CTDSPL: variants seen among roughly 807,000 people sequenced by gnomAD.
CTDSPL encodes the protein CTD small phosphatase like.
Under a neutral mutation model 30.5 loss-of-function variants are expected in CTDSPL, and 8 were observed. The ratio of observed to expected loss-of-function variants is 0.26; its 90% CI spans 0.15 to 0.47. CTDSPL has a LOEUF of 0.47. Ranked by LOEUF, CTDSPL falls within the 20% of genes least tolerant of loss-of-function variation. The pLI is 0.99. For missense variants in CTDSPL, 248 were observed against 366.1 expected (o/e 0.68, Z 2.63); for synonymous variants, 110 against 137.9 (o/e 0.80, Z 1.42).
intron 1 of CTDSPL, among the ~76,000 whole-genome samples, chr3:37,925,365 T>C (rs1201332534): frequency 2.6e-5 from 4 of 152,168 alleles, no homozygotes; most frequent in Non-Finnish European, 5.9e-5. Context: ...CCTCCAAGCA[T>C]TGGTTCCTGG....
chr3:37,899,631 G>A (rs1698427113), intron 1 of CTDSPL, among the ~76,000 whole-genome samples: 1 of 152,198 alleles, frequency 6.6e-6, no homozygotes, highest in African/African-American at 2.4e-5. Context: ...GAAGGCATGA[G>A]GATCAGAGAA....
At chr3:37,936,343 G>C (rs1316900231) in intron 1 of CTDSPL, among the ~76,000 whole-genome samples, 1 of 152,132 alleles carries the variant, frequency 6.6e-6, no homozygotes, top group African/African-American at 2.4e-5. Context: ...TTTTCTAGAA[G>C]AAAAGGATGT....
intron 1 of CTDSPL, among the ~76,000 whole-genome samples, chr3:37,944,073 T>C (rs1219061638): frequency 6.7e-6 from 1 of 149,916 alleles, no homozygotes; most frequent in East Asian, 2.0e-4. Flanking sequence ...AGGCTGAAGG[T>C]TGAGAATTAG....
In CTDSPL at chr3:37,975,717, C is replaced by T. The variant is rs1355776521; in HGVS notation, c.528C>T (p.Asp176=). The T allele has an allele frequency of 1.9e-6, 3 of 1,613,216 alleles. No homozygotes were observed. Among genetic ancestry groups the T allele is most frequent in the African/African-American group, 2.7e-5 (2 of 75,008 alleles). The change falls in exon 7 of 8, where the codon GAC becomes GAT. Residue 176 remains aspartate (D), a synonymous_variant. Transcript: ENST00000273179. This position sits in a 1 kb window ranked among gnomAD's most constrained non-coding sequence, Gnocchi z 4.9. ...TGACACGTCTTTTCCAGTATGCAGACCCTGTGGCTGACCTCCTAGACCGCT... is the reference window on the plus strand; with the variant it reads ...TGACACGTCTTTTCCAGTATGCAGATCCTGTGGCTGACCTCCTAGACCGCT... ...LFTASLAKYA[D]PVADLLDRWG...
chr3:37,939,847 A>T (rs2175499), intron 1 of CTDSPL, among the ~76,000 whole-genome samples: 8,421 of 150,296 alleles, frequency 0.056, 677 homozygotes, highest in African/African-American at 0.13. Flanking sequence ...TAATCCCCGC[A>T]CTTTGGAAGG....
intron 1 of CTDSPL, among the ~76,000 whole-genome samples, chr3:37,884,006 A>G (rs1219575723): frequency 6.6e-6 from 1 of 152,340 alleles, no homozygotes; most frequent in East Asian, 1.9e-4. Context: ...GTTTAGGGAA[A>G]TGGTCACTAT....
intron 1 of CTDSPL, among the ~76,000 whole-genome samples, chr3:37,922,488 A>G (rs1698729547): frequency 6.6e-6 from 1 of 152,122 alleles, no homozygotes; most frequent in Non-Finnish European, 1.5e-5. Flanking sequence ...TGTCAGGACA[A>G]CAATTGGGCC....
intron 1 of CTDSPL, among the ~76,000 whole-genome samples, chr3:37,921,607 C>CCCCACACA (rs113212864): frequency 1.4e-5 from 2 of 147,638 alleles, no homozygotes; most frequent in African/African-American, 5.0e-5. Context: ...ACCCTAACTA[C>CCCCACACA]CACACACACA....
rs187921981 is a variant in CTDSPL at position 37,908,576 on chromosome 3, G to A, written c.80-38481G>A. 2.0e-3 allele frequency among the ~76,000 whole-genome samples: 304 copies of A among 152,232 alleles called. 8 individuals carry two copies. Among genetic ancestry groups the A allele is most frequent in the Admixed American group, 0.019 (289 of 15,296 alleles). On this transcript the variant is annotated intron_variant, in intron 1 of 7. Transcript: ENST00000273179. ...TGCTTTCTGCTTATGCCACTTATAA[G>A]CAGTGCAGAGAGGAAGGTATCTATG...
chr3:37,929,845 C>T (rs530916848), intron 1 of CTDSPL, among the ~76,000 whole-genome samples: 32 of 152,208 alleles, frequency 2.1e-4, no homozygotes, highest in African/African-American at 7.5e-4. Context: ...TGGTGGCTCA[C>T]GCCTGTAATC....
chr3:37,867,451 C>G (rs952733222), intron 1 of CTDSPL, among the ~76,000 whole-genome samples: 1 of 152,024 alleles, frequency 6.6e-6, no homozygotes, highest in African/African-American at 2.4e-5. Flanking sequence ...GAACCTAAGT[C>G]TTCATATCTC....
chr3:37,881,064 T>C (rs73056965), intron 1 of CTDSPL, among the ~76,000 whole-genome samples: 7,769 of 151,722 alleles, frequency 0.051, 240 homozygotes, highest in South Asian at 0.096. Flanking sequence ...CTGTGGCTCC[T>C]ACCTGCTCAT....
At chr3:37,867,108 C>A (rs1394035347) in intron 1 of CTDSPL, among the ~76,000 whole-genome samples, 2 of 152,138 alleles carry the variant, frequency 1.3e-5, no homozygotes, top group Non-Finnish European at 2.9e-5. Flanking sequence ...CACTGCTTCC[C>A]TCCCATGCCC....
chr3:37,954,079 T>G (rs2125625762), intron 2 of CTDSPL, among the ~76,000 whole-genome samples: 1 of 152,276 alleles, frequency 6.6e-6, no homozygotes, highest in African/African-American at 2.4e-5. Flanking sequence ...CCGAGACATT[T>G]TTAGAAAGAA....
In CTDSPL at chr3:37,943,814, C is replaced by T. The variant is rs967123729; in HGVS notation, c.80-3243C>T. ...CTTTTGTGTGTACAAGGAGGATGAG[C>T]GGTGGAGCTGGATGCCAGATGAGAA... On this transcript the variant is annotated intron_variant, in intron 1 of 7. Transcript: ENST00000273179. 2.0e-5 allele frequency among the ~76,000 whole-genome samples: 3 copies of T among 150,216 alleles called. 1 individual carries two copies. The highest frequency in any genetic ancestry group is 3.9e-4 in the East Asian group (2 of 5,134).
At chr3:37,916,485 A>T (rs1447705000) in intron 1 of CTDSPL, among the ~76,000 whole-genome samples, 1 of 152,122 alleles carries the variant, frequency 6.6e-6, no homozygotes, top group Non-Finnish European at 1.5e-5. Flanking sequence ...AGGAGGGTGG[A>T]CCCTTAATCC....
At chr3:37,912,852 C>G (rs1036487999) in intron 1 of CTDSPL, among the ~76,000 whole-genome samples, 1 of 152,158 alleles carries the variant, frequency 6.6e-6, no homozygotes, top group African/African-American at 2.4e-5. Context: ...TAGTATATTG[C>G]CAGCAATGGC....
chr3:37,891,883 T>C (rs1698331146), intron 1 of CTDSPL, among the ~76,000 whole-genome samples: 2 of 151,730 alleles, frequency 1.3e-5, no homozygotes, highest in Non-Finnish European at 2.9e-5. Context: ...TATGTGTGTG[T>C]ACATACATGT....
At chr3:37,952,917 G>A (rs1329468364) in intron 2 of CTDSPL, among the ~76,000 whole-genome samples, 10 of 152,182 alleles carry the variant, frequency 6.6e-5, no homozygotes, top group Admixed American at 6.5e-5. Flanking sequence ...GTTGGCTGAG[G>A]CTGAGCCTTT....
Sources: gnomAD v4.1 joint callset for allele counts (sites outside exome capture counted in the v4.1 genomes callset) on GRCh38, gnomAD v4.1.1 for gene constraint, Gnocchi (gnomAD v3.1) non-coding constraint, MANE v1.5 for transcripts, NCBI Gene and HGNC (gene_info 2026-07-23, HGNC 2026-07-21) for gene names.